Variants in P2RY1 observed in about 807,000 individuals in gnomAD.
P2RY1 encodes purinergic receptor P2Y1.
In P2RY1, 14 loss-of-function variants were observed where a neutral mutation model predicts 22.8. That is an observed-to-expected ratio of 0.61 (90% CI 0.41 to 0.96). The LOEUF (loss-of-function observed/expected upper bound fraction) is 0.96. Ranked by LOEUF, P2RY1 falls within the 40% of genes least tolerant of loss-of-function variation. P2RY1 has a pLI of 0.00. For synonymous variants in P2RY1, 200 were observed against 195.1 expected (o/e 1.03, Z -0.21); for missense variants, 395 against 470.3 (o/e 0.84, Z 1.48).
rs556696415 is a variant in P2RY1 at position 152,836,929 on chromosome 3, C to A, written c.*25C>A. On this transcript the variant is annotated 3_prime_UTR_variant, in exon 1 of 1. Transcript: ENST00000305097. The surrounding 1 kb of genome is among the most constrained non-coding windows in gnomAD (Gnocchi z 5.6). ...AAGGCACAAGAATCTCCAAACACCT[C>A]TCTGTTGTAATATGGTAGGATGCTT... is the stretch of plus-strand genomic sequence containing the variant. 171 of 1,555,494 alleles carry A rather than the reference C, an allele frequency of 1.1e-4. 2 individuals are homozygous for A. The South Asian group carries it at 1.9e-3, about 18-fold the overall frequency.
chr3:152,838,906 ATTACT>A lies in P2RY1; in HGVS notation c.*2006_*2010del, dbSNP rs1216789347. 3.3e-5 allele frequency: 5 copies of A among 152,178 alleles called. 1 individual carries two copies. The South Asian group carries it at 6.2e-4, about 19-fold the overall frequency. 9.4% of individuals were successfully genotyped at this position (152,178 alleles called of 1,614,324 possible). A position where few individuals can be genotyped will look rare whatever the true frequency, so the allele number is the denominator to read the frequency against. On this transcript the variant is annotated 3_prime_UTR_variant, in exon 1 of 1. Coordinates refer to ENST00000305097, the MANE Select transcript of P2RY1 (RefSeq NM_002563.5). ...TACAAGACAAAATCTAAAATATGTCATTACTTTATTGACCTTGTTAAACAAGATCA... is the reference window on the plus strand; with the variant it reads ...TACAAGACAAAATCTAAAATATGTCATTATTGACCTTGTTAAACAAGATCA...
Position 152,837,186 on chromosome 3 carries a change from T to G in P2RY1, c.*282T>G. 1 of 351,146 alleles carries G rather than the reference T, an allele frequency of 2.8e-6. No individual in the cohort carries two copies. The highest frequency in any genetic ancestry group is 2.1e-5 in the African/African-American group (1 of 47,398). The allele number at this position is 351,146 out of a possible 1,614,324, so 21.8% of individuals were successfully genotyped here. On this transcript the variant is annotated 3_prime_UTR_variant, in exon 1 of 1. Coordinates refer to ENST00000305097, the MANE Select transcript of P2RY1 (RefSeq NM_002563.5). ...TTTGCCTTTAAAATGTGCAGGCTTT[T>G]CTGTTTAAAGTGTGTGTGCACATGA...
chr3:152,840,206 G>C lies in P2RY1; in HGVS notation c.*3302G>C, dbSNP rs1716264206. The C allele has an allele frequency of 6.6e-6, 1 of 152,114 alleles. No homozygotes were observed. Among genetic ancestry groups the C allele is most frequent in the Non-Finnish European group, 1.5e-5 (1 of 68,006 alleles). The allele number at this position is 152,114 out of a possible 1,614,324, so 9.4% of individuals were successfully genotyped here. A position where few individuals can be genotyped will look rare whatever the true frequency, so the allele number is the denominator to read the frequency against. The stretch of plus-strand genomic sequence containing the variant: ...TATAATGCATACATAAATAAGAGTT[G>C]TATATTACAGTGCTTTTCAAATATC... On this transcript the variant is annotated 3_prime_UTR_variant, in exon 1 of 1. Coordinates refer to ENST00000305097, the MANE Select transcript of P2RY1 (RefSeq NM_002563.5).
Position 152,836,103 on chromosome 3 carries a change from G to C in P2RY1, c.321G>C (p.Leu107=). ...TGTACGTGCTGACTCTGCCAGCCCT[G>C]ATCTTCTACTACTTCAATAAAACAG... ...DFLYVLTLPA[L]IFYYFNKTDW... The change falls in exon 1 of 1, where the codon CTG becomes CTC. Residue 107 remains leucine, a synonymous_variant. Transcript: ENST00000305097. The surrounding 1 kb of genome is among the most constrained non-coding windows in gnomAD (Gnocchi z 5.6). 1 of 1,614,118 alleles carries C rather than the reference G, an allele frequency of 6.2e-7. No individual in the cohort carries two copies. The highest frequency in any genetic ancestry group is 8.5e-7 in the Non-Finnish European group (1 of 1,180,018).
In P2RY1 at chr3:152,837,212, G is replaced by T; in HGVS notation, c.*308G>T. 1 of 254,650 alleles carries T rather than the reference G, an allele frequency of 3.9e-6. No homozygotes were observed. The highest frequency in any genetic ancestry group is 8.0e-6 in the Non-Finnish European group (1 of 125,690). 15.8% of individuals were successfully genotyped at this position (254,650 alleles called of 1,614,324 possible). On this transcript the variant is annotated 3_prime_UTR_variant, in exon 1 of 1. Coordinates refer to ENST00000305097, the MANE Select transcript of P2RY1 (RefSeq NM_002563.5). ...CTGTTTAAAGTGTGTGTGCACATGA[G>T]TACTGGGGCTGTTTTTGATATTAGT...
chr3:152,835,712 G>GC lies in P2RY1; in HGVS notation c.-67dup. On this transcript the variant is annotated 5_prime_UTR_variant, in exon 1 of 1. It removes the in-frame stop codon of an upstream open reading frame in the 5' UTR. Transcript: ENST00000305097. ...CGCTGGCTTTTCCGATGCTTGCTGC[G>GC]CCCCTGGCCGCCGCTGCCCTCTCGC... is the stretch of plus-strand genomic sequence containing the variant. The GC allele has an allele frequency of 7.1e-7, 1 of 1,411,804 alleles. No homozygotes were observed. Among genetic ancestry groups the GC allele is most frequent in the Non-Finnish European group, 9.4e-7 (1 of 1,059,600 alleles). The allele number at this position is 1,411,804 out of a possible 1,614,324, so 87.5% of individuals were successfully genotyped here. A position where few individuals can be genotyped will look rare whatever the true frequency, so the allele number is the denominator to read the frequency against.
chr3:152,839,476 AC>A lies in P2RY1; in HGVS notation c.*2573del, dbSNP rs1716249984. On this transcript the variant is annotated 3_prime_UTR_variant, in exon 1 of 1. Coordinates refer to ENST00000305097, the MANE Select transcript of P2RY1 (RefSeq NM_002563.5). ...CTAACATTATAGAACTTATTACCTAACAAAATTTCACACCACAAAAAATATT... is the reference window on the plus strand; with the variant it reads ...CTAACATTATAGAACTTATTACCTAAAAAATTTCACACCACAAAAAATATT... The A allele has an allele frequency of 6.6e-6, 1 of 152,148 alleles. No individual in the cohort carries two copies. The highest frequency in any genetic ancestry group is 1.5e-5 in the Non-Finnish European group (1 of 68,042). 9.4% of individuals were successfully genotyped at this position (152,148 alleles called of 1,614,324 possible). A position where few individuals can be genotyped will look rare whatever the true frequency, so the allele number is the denominator to read the frequency against.
rs1716297566 is a variant in P2RY1, at chr3:152,841,382, C to G, written c.*4478C>G. ...AGCTTCATAATTGTGGTCACTAGAA[C>G]TGTACTTACCATGGACAGTTAAAAC... On this transcript the variant is annotated 3_prime_UTR_variant, in exon 1 of 1. Transcript: ENST00000305097. 2 of 151,802 alleles carry G rather than the reference C, an allele frequency of 1.3e-5. No homozygotes were observed. The highest frequency in any genetic ancestry group is 2.9e-5 in the Non-Finnish European group (2 of 67,976). 9.4% of individuals were successfully genotyped at this position (151,802 alleles called of 1,614,324 possible).
chr3:152,836,901 G>T lies in P2RY1; in HGVS notation c.1119G>T (p.Leu373=). ...TCAAGCAGAATGGAGATACAAGCCT[G>T]TGAAGGCACAAGAATCTCCAAACAC... is the stretch of plus-strand genomic sequence containing the variant. ...PEFKQNGDTS[L] is the part of the protein sequence containing the mutation. The change falls in exon 1 of 1, where the codon CTG becomes CTT. Residue 373 remains leucine, a synonymous_variant. Coordinates refer to ENST00000305097, the MANE Select transcript of P2RY1 (RefSeq NM_002563.5). The surrounding 1 kb of genome is among the most constrained non-coding windows in gnomAD (Gnocchi z 5.6). 1.3e-6 allele frequency: 2 copies of T among 1,599,450 alleles called. No homozygotes were observed. Among genetic ancestry groups the T allele is most frequent in the African/African-American group, 2.7e-5 (2 of 74,530 alleles).
In P2RY1 at chr3:152,836,647, G is replaced by A; in HGVS notation, c.865G>A (p.Asp289Asn). 6.2e-7 allele frequency: 1 copy of A among 1,614,138 alleles called. No individual in the cohort carries two copies. The highest frequency in any genetic ancestry group is 8.5e-7 in the Non-Finnish European group (1 of 1,180,016). ...AACGATGAACTTGAGGGCCCGGCTT[G>A]ATTTTCAGACCCCAGCAATGTGTGC... ...MKTMNLRARL[D>N]FQTPAMCAFN... The change falls in exon 1 of 1, where the codon GAT becomes AAT. Residue 289 changes from aspartate (D) to asparagine (N), a missense_variant. Around this residue, in one of 3 missense-constraint regions of P2RY1, gnomAD observed 291 missense variants for 361.6 expected, o/e 0.80. Coordinates refer to ENST00000305097, the MANE Select transcript of P2RY1 (RefSeq NM_002563.5). This position sits in a 1 kb window ranked among gnomAD's most constrained non-coding sequence, Gnocchi z 5.6.
At position 152,835,714 on chromosome 3, in the gene P2RY1, C is replaced by T. The variant is rs1257187279; in HGVS notation, c.-69C>T. The T allele has an allele frequency of 2.8e-6, 4 of 1,428,686 alleles. No individual in the cohort carries two copies. Among genetic ancestry groups the T allele is most frequent in the African/African-American group, 1.4e-5 (1 of 70,392 alleles). The allele number at this position is 1,428,686 out of a possible 1,614,324, so 88.5% of individuals were successfully genotyped here. A position where few individuals can be genotyped will look rare whatever the true frequency, so the allele number is the denominator to read the frequency against. On this transcript the variant is annotated 5_prime_UTR_variant, in exon 1 of 1. Coordinates refer to ENST00000305097, the MANE Select transcript of P2RY1 (RefSeq NM_002563.5). ...CTGGCTTTTCCGATGCTTGCTGCGC[C>T]CCTGGCCGCCGCTGCCCTCTCGCCG...
rs1439765555 is a variant in P2RY1 at position 152,838,679 on chromosome 3, A to C, written c.*1775A>C. On this transcript the variant is annotated 3_prime_UTR_variant, in exon 1 of 1. Transcript: ENST00000305097. Reference sequence around the variant, plus strand: ...CCTTCAGAGTAGCTTCACTTTACCCAATCTCTGGCCACTAAGATCAATGAA... The same window carrying C: ...CCTTCAGAGTAGCTTCACTTTACCCCATCTCTGGCCACTAAGATCAATGAA... 1 of 152,176 alleles carries C rather than the reference A, an allele frequency of 6.6e-6. No homozygotes were observed. Among genetic ancestry groups the C allele is most frequent in the East Asian group, 1.9e-4 (1 of 5,198 alleles). The allele number at this position is 152,176 out of a possible 1,614,324, so 9.4% of individuals were successfully genotyped here. A position where few individuals can be genotyped will look rare whatever the true frequency, so the allele number is the denominator to read the frequency against.
In P2RY1 at chr3:152,841,350, C is replaced by G. The variant is rs150415535; in HGVS notation, c.*4446C>G. 1.3e-5 allele frequency: 2 copies of G among 151,156 alleles called. No homozygotes were observed. Among genetic ancestry groups the G allele is most frequent in the African/African-American group, 4.9e-5 (2 of 41,108 alleles). 9.4% of individuals were successfully genotyped at this position (151,156 alleles called of 1,614,324 possible). A position where few individuals can be genotyped will look rare whatever the true frequency, so the allele number is the denominator to read the frequency against. On this transcript the variant is annotated 3_prime_UTR_variant, in exon 1 of 1. Coordinates refer to ENST00000305097, the MANE Select transcript of P2RY1 (RefSeq NM_002563.5). ...AACTTTGTATCTGCTATTTTTAGTACGAGCAGAGCTTCATAATTGTGGTCA... is the reference window on the plus strand; with the variant it reads ...AACTTTGTATCTGCTATTTTTAGTAGGAGCAGAGCTTCATAATTGTGGTCA...
Position 152,837,099 on chromosome 3 carries a change from T to C in P2RY1, c.*195T>C. 1 of 585,938 alleles carries C rather than the reference T, an allele frequency of 1.7e-6. No homozygotes were observed. Among genetic ancestry groups the C allele is most frequent in the African/African-American group, 1.9e-5 (1 of 53,596 alleles). 36.3% of individuals were successfully genotyped at this position (585,938 alleles called of 1,614,324 possible). A position where few individuals can be genotyped will look rare whatever the true frequency, so the allele number is the denominator to read the frequency against. On this transcript the variant is annotated 3_prime_UTR_variant, in exon 1 of 1. Transcript: ENST00000305097. ...TTGGGTTTGCTTTCACAGTCTCTCTTCCTTCTGACTAGAAGTATGTATAAT... is the reference window on the plus strand; with the variant it reads ...TTGGGTTTGCTTTCACAGTCTCTCTCCCTTCTGACTAGAAGTATGTATAAT...
In P2RY1 at chr3:152,841,095, C is replaced by G. The variant is rs1057332432; in HGVS notation, c.*4191C>G. On this transcript the variant is annotated 3_prime_UTR_variant, in exon 1 of 1. Coordinates refer to ENST00000305097, the MANE Select transcript of P2RY1 (RefSeq NM_002563.5). ...TTGAGTGATAGTGCCATTGAATGAG[C>G]AGTATGGAAACAGTGTTACTTGATA... is the stretch of plus-strand genomic sequence containing the variant. 6.6e-6 allele frequency: 1 copy of G among 152,080 alleles called. No homozygotes were observed. The highest frequency in any genetic ancestry group is 2.4e-5 in the African/African-American group (1 of 41,404). The allele number at this position is 152,080 out of a possible 1,614,324, so 9.4% of individuals were successfully genotyped here. A position where few individuals can be genotyped will look rare whatever the true frequency, so the allele number is the denominator to read the frequency against.
chr3:152,836,268 G>T lies in P2RY1; in HGVS notation c.486G>T (p.Arg162=), dbSNP rs139893077. 1 of 1,614,008 alleles carries T rather than the reference G, an allele frequency of 6.2e-7. No individual in the cohort carries two copies. Among genetic ancestry groups the T allele is most frequent in the African/African-American group, 1.3e-5 (1 of 74,886 alleles). Residue 162 remains arginine (R), a synonymous_variant, in exon 1 of 1, where the codon CGG becomes CGT. Coordinates refer to ENST00000305097, the MANE Select transcript of P2RY1 (RefSeq NM_002563.5). This position sits in a 1 kb window ranked among gnomAD's most constrained non-coding sequence, Gnocchi z 5.6. ...TGTACCCCCTCAAGTCCCTGGGCCG[G>T]CTCAAAAAGAAGAATGCGATCTGTA... is the stretch of plus-strand genomic sequence containing the variant. ...GVVYPLKSLG[R]LKKKNAICIS... is the part of the protein sequence containing the mutation.
rs1365968374 is a variant in P2RY1, at chr3:152,836,475, G to A, written c.693G>A (p.Val231=). The A allele has an allele frequency of 1.9e-6, 3 of 1,614,054 alleles. No homozygotes were observed. Among genetic ancestry groups the A allele is most frequent in the Non-Finnish European group, 1.7e-6 (2 of 1,180,044 alleles). ...TGGCCATGTTCTGTGTCCCCTTGGT[G>A]CTGATTCTGGGCTGTTACGGATTAA... The part of the protein sequence containing the change: ...TTVAMFCVPL[V]LILGCYGLIV... Residue 231 remains valine, a synonymous_variant, in exon 1 of 1, where the codon GTG becomes GTA. Coordinates refer to ENST00000305097, the MANE Select transcript of P2RY1 (RefSeq NM_002563.5). This position sits in a 1 kb window ranked among gnomAD's most constrained non-coding sequence, Gnocchi z 5.6.
In P2RY1 at chr3:152,836,536, T is replaced by C. The variant is rs1429501140; in HGVS notation, c.754T>C (p.Ser252Pro). 6.2e-7 allele frequency: 1 copy of C among 1,614,040 alleles called. No individual in the cohort carries two copies. The highest frequency in any genetic ancestry group is 8.5e-7 in the Non-Finnish European group (1 of 1,180,044). ...RALIYKDLDN[S>P]PLRRKSIYLV... ...TTTGATTTACAAAGATCTGGACAAC[T>C]CTCCTCTGAGGAGAAAATCGATTTA... Residue 252 changes from serine (S) to proline (P), a missense_variant, in exon 1 of 1, where the codon TCT becomes CCT. By Grantham distance (74) the Ser-to-Pro change is moderately conservative. Transcript: ENST00000305097. The surrounding 1 kb of genome is among the most constrained non-coding windows in gnomAD (Gnocchi z 5.6).
rs1193766578 is a variant in P2RY1 at position 152,840,653 on chromosome 3, G to A, written c.*3749G>A. ...CTTTAAGGAGATGGGGAGAGAAAAA[G>A]GCAGCTGGTATAATCGGTTACTGCT... On this transcript the variant is annotated 3_prime_UTR_variant, in exon 1 of 1. Coordinates refer to ENST00000305097, the MANE Select transcript of P2RY1 (RefSeq NM_002563.5). The A allele has an allele frequency of 2.0e-5, 3 of 152,110 alleles. No individual in the cohort carries two copies. The highest frequency in any genetic ancestry group is 4.4e-5 in the Non-Finnish European group (3 of 67,996). The allele number at this position is 152,110 out of a possible 1,614,324, so 9.4% of individuals were successfully genotyped here.
Sources: gnomAD v4.1 joint callset for allele counts on GRCh38, gnomAD v4.1.1 for gene constraint, gnomAD v4.1.1 regional missense constraint, Gnocchi (gnomAD v3.1) non-coding constraint, MANE v1.5 for transcripts, NCBI Gene and HGNC (gene_info 2026-07-23, HGNC 2026-07-21) for gene names.